TECTA: variants seen among roughly 807,000 people sequenced by gnomAD.
TECTA encodes the protein alpha-tectorin.
A neutral mutation model predicts 216.8 loss-of-function variants in TECTA; 128 were observed. The observed-to-expected ratio is 0.59, with a 90% confidence interval of 0.51 to 0.68. TECTA has a LOEUF of 0.68. TECTA is among the 30% of genes least tolerant of loss of function. The probability of loss-of-function intolerance (pLI) is 0.00; values close to 1 mark genes in which losing one functional copy is unlikely to be tolerated. For missense variants in TECTA, 2,551 were observed against 2,786.2 expected (o/e 0.92, Z 1.90); for synonymous variants, 1,089 against 1,117.1 (o/e 0.97, Z 0.50).
intron 20 of TECTA, among the ~76,000 whole-genome samples, chr11:121,185,272 G>A (rs1947271085): frequency 1.3e-5 from 2 of 152,192 alleles, no homozygotes. Flanking sequence ...AGGGAAACCA[G>A]ATGTTCAATG....
At chr11:121,147,988 G>A (rs950875411) in intron 12 of TECTA, among the ~76,000 whole-genome samples, 1 of 152,232 alleles carries the variant, frequency 6.6e-6, no homozygotes, top group African/African-American at 2.4e-5. Flanking sequence ...AAGGAATAAG[G>A]GCCCCCACTA....
At chr11:121,125,178 G>A in intron 7 of TECTA, 124 bp from the exon 8 acceptor site, 1 of 1,004,072 alleles carries the variant, frequency 1.0e-6, no homozygotes, top group Non-Finnish European at 1.5e-6. Flanking sequence ...ACTGGAGCCT[G>A]GACCGTTTAG....
rs145062494 is a variant in TECTA, at chr11:121,107,356, G to T, written c.198+1392G>T. ...AGGCAGATTTATTTGAGGGTAAATT[G>T]TTCCTTGCGTTTCCAACACTTTGAG... On this transcript the variant is annotated intron_variant, in intron 3 of 23. Coordinates refer to ENST00000392793, the MANE Select transcript of TECTA (RefSeq NM_005422.4). 4.4e-3 allele frequency among the ~76,000 whole-genome samples: 672 copies of T among 152,282 alleles called. 6 individuals are homozygous for T. Among genetic ancestry groups the T allele is most frequent in the African/African-American group, 0.015 (627 of 41,550 alleles).
chr11:121,142,136 C>T (rs1278459857), intron 11 of TECTA, among the ~76,000 whole-genome samples: 1 of 152,088 alleles, frequency 6.6e-6, no homozygotes, highest in Non-Finnish European at 1.5e-5. Flanking sequence ...CTGCAGAAGA[C>T]CTTGCTGGAG....
At position 121,163,617 on chromosome 11, in the gene TECTA, T is replaced by G. The variant is rs2004934; in HGVS notation, c.5272+1247T>G. On this transcript the variant is annotated intron_variant, in intron 16 of 23. Coordinates refer to ENST00000392793, the MANE Select transcript of TECTA (RefSeq NM_005422.4). ...AGTATAATAATAATAAGAAGAAGAATAAGAATACTTTCAATGACTTTAAAA... is the reference window on the plus strand; with the variant it reads ...AGTATAATAATAATAAGAAGAAGAAGAAGAATACTTTCAATGACTTTAAAA... Among the ~76,000 whole-genome samples, 103 of 152,132 alleles carry G rather than the reference T, an allele frequency of 6.8e-4. 2 individuals carry two copies. The highest frequency in any genetic ancestry group is 5.8e-3 in the South Asian group (28 of 4,824).
At chr11:121,182,268 T>C (rs1947237702) in intron 20 of TECTA, among the ~76,000 whole-genome samples, 1 of 151,606 alleles carries the variant, frequency 6.6e-6, no homozygotes, top group African/African-American at 2.4e-5. Flanking sequence ...GTGGCATCAG[T>C]GATGGCAGTA....
At chr11:121,135,982 G>A (rs915752391) in intron 10 of TECTA, among the ~76,000 whole-genome samples, 3 of 150,508 alleles carry the variant, frequency 2.0e-5, no homozygotes, top group Admixed American at 6.6e-5. Context: ...TTCTCCAGAC[G>A]GAGTCTCGCT....
intron 20 of TECTA, among the ~76,000 whole-genome samples, chr11:121,176,239 G>A (rs1382199452): frequency 0.012 from 1,823 of 151,156 alleles, no homozygotes; most frequent in African/African-American, 0.042. Flanking sequence ...TATGATGTTA[G>A]CTGGTTATTT....
intron 8 of TECTA, among the ~76,000 whole-genome samples, chr11:121,126,707 G>A (rs1946615508): frequency 2.0e-5 from 3 of 152,182 alleles, no homozygotes; most frequent in Non-Finnish European, 1.5e-5. Flanking sequence ...CTTCCCATCA[G>A]TATAAGTTGG....
At chr11:121,101,621 G>A (rs1211452971) in intron 1 of TECTA, among the ~76,000 whole-genome samples, 179 bp downstream of exon 1, 1 of 152,160 alleles carries the variant, frequency 6.6e-6, no homozygotes, top group Non-Finnish European at 1.5e-5. Flanking sequence ...TTTAATATGT[G>A]CTTGAAATTA....
chr11:121,190,193 G>A (rs1321896175), intron 23 of TECTA: 2 of 390,820 alleles, frequency 5.1e-6, no homozygotes, highest in African/African-American at 4.1e-5. Flanking sequence ...TTGGGCTAAG[G>A]TTGGGATTGG....
In TECTA at chr11:121,165,304, G is replaced by A. The variant is rs373055342; in HGVS notation, c.5304G>A (p.Ala1768=). The change falls in exon 17 of 24, where the codon GCG becomes GCA. Residue 1768 remains alanine, a synonymous_variant. Coordinates refer to ENST00000392793, the MANE Select transcript of TECTA (RefSeq NM_005422.4). ...SGVVEDPCVG[A]DCPNRTCELG... Reference sequence around the variant, plus strand: ...TGGTTGAAGATCCCTGTGTGGGGGCGGACTGTCCCAACCGAACTTGCGAGC... The same window carrying A: ...TGGTTGAAGATCCCTGTGTGGGGGCAGACTGTCCCAACCGAACTTGCGAGC... 5.3e-5 allele frequency: 85 copies of A among 1,608,026 alleles called. No individual in the cohort carries two copies. The East Asian group carries it at 5.6e-4, about 11-fold the overall frequency.
At chr11:121,130,321 T>A in intron 10 of TECTA, 110 bp downstream of exon 10, 1 of 1,251,034 alleles carries the variant, frequency 8.0e-7, no homozygotes, top group Non-Finnish European at 1.1e-6. Context: ...AGGGTGATGT[T>A]AATTACTGTG....
intron 18 of TECTA, 72 bp downstream of exon 18, chr11:121,166,852 C>G: frequency 6.4e-7 from 1 of 1,567,764 alleles, no homozygotes; most frequent in Non-Finnish European, 8.7e-7. Context: ...ATTTATTGTC[C>G]TGAAAACCAA....
In TECTA at chr11:121,189,821, A is replaced by G. The variant is rs1281689118; in HGVS notation, c.6308A>G (p.Asp2103Gly). ...GAGCAGATTTGCACGAGCCGGGTGGATGGGCCTCTCTGCAGCTGTGTAACA... is the reference window on the plus strand; with the variant it reads ...GAGCAGATTTGCACGAGCCGGGTGGGTGGGCCTCTCTGCAGCTGTGTAACA... ...GCEQICTSRV[D>G]GPLCSCVTGT... is the part of the protein sequence containing the mutation. Residue 2103 changes from aspartate (D) to glycine (G), a missense_variant, in exon 23 of 24, where the codon GAT becomes GGT. Around this residue, in one of 3 missense-constraint regions of TECTA, gnomAD observed 118 missense variants for 116.4 expected, o/e 1.01. Transcript: ENST00000392793. The G allele has an allele frequency of 3.1e-6, 5 of 1,613,924 alleles. No individual in the cohort carries two copies. In the South Asian group the frequency reaches 5.5e-5, roughly 18 times the overall value.
rs952374312 is a variant in TECTA, at chr11:121,152,756, A to G, written c.4106-125A>G. On this transcript the variant is annotated intron_variant, in intron 12 of 23. Transcript: ENST00000392793. ...GAGGGCAGTAATGAAGAAAGGCGGCAGACCTCCTGGCTCCTGCCTCTCCCC... is the reference window on the plus strand; with the variant it reads ...GAGGGCAGTAATGAAGAAAGGCGGCGGACCTCCTGGCTCCTGCCTCTCCCC... 12 of 972,734 alleles carry G rather than the reference A, an allele frequency of 1.2e-5. No homozygotes were observed. The African/African-American group carries it at 1.6e-4, about 13-fold the overall frequency. The allele number at this position is 972,734 out of a possible 1,614,324, so 60.3% of individuals were successfully genotyped here.
At position 121,168,092 on chromosome 11, in the gene TECTA, G is replaced by A. The variant is rs368775844; in HGVS notation, c.5625G>A (p.Trp1875Ter). ...GTHIMYKNTLWIESANNTGNI... is the reference protein window; with the variant it reads ...GTHIMYKNTL ...ATATCATGTATAAAAACACACTCTG[G>A]ATCGAAAGCGCCAACAACACTGGCA... is the stretch of plus-strand genomic sequence containing the variant. The change falls in exon 19 of 24, where the codon TGG (tryptophan) becomes TGA (stop). Residue 1875 changes from tryptophan (W) to a stop codon, truncating the protein, a stop_gained. Transcript: ENST00000392793. LOFTEE classifies it high-confidence loss of function. 4 of 1,614,028 alleles carry A rather than the reference G, an allele frequency of 2.5e-6. No individual in the cohort carries two copies. In the African/African-American group the frequency reaches 5.3e-5, roughly 22 times the overall value.
Position 121,189,971 on chromosome 11 carries a change from G to C in TECTA, c.6367+91G>C, listed in dbSNP as rs1053083496. 4 of 1,031,120 alleles carry C rather than the reference G, an allele frequency of 3.9e-6. No homozygotes were observed. The African/African-American group carries it at 6.3e-5, about 16-fold the overall frequency. 63.9% of individuals were successfully genotyped at this position (1,031,120 alleles called of 1,614,324 possible). ...AGAAATTCAGATTTGAAGGCCACTC[G>C]GTCAGCAACTCTCCCTCGAAAACTC... is the stretch of plus-strand genomic sequence containing the variant. On this transcript the variant is annotated intron_variant, in intron 23 of 23. Coordinates refer to ENST00000392793, the MANE Select transcript of TECTA (RefSeq NM_005422.4).
chr11:121,113,680 G>C lies in TECTA; in HGVS notation c.752G>C (p.Gly251Ala). The change falls in exon 6 of 24, where the codon GGA becomes GCA. Residue 251 changes from glycine (G) to alanine (A), a missense_variant. Transcript: ENST00000392793. This position sits in a 1 kb window ranked among gnomAD's most constrained non-coding sequence, Gnocchi z 4.2. ...GGCCGCTGGGCATTTAAAGTTGATG[G>C]AAAGGAAATTGACCCAGCCAATGGC... ...VPGRWAFKVD[G>A]KEIDPANGCT... 1 of 1,613,864 alleles carries C rather than the reference G, an allele frequency of 6.2e-7. No individual in the cohort carries two copies. The highest frequency in any genetic ancestry group is 8.5e-7 in the Non-Finnish European group (1 of 1,180,006).
Sources: gnomAD v4.1 joint callset for allele counts (sites outside exome capture counted in the v4.1 genomes callset) on GRCh38, gnomAD v4.1.1 for gene constraint, gnomAD v4.1.1 regional missense constraint, Gnocchi (gnomAD v3.1) non-coding constraint, MANE v1.5 for transcripts, NCBI Gene and HGNC (gene_info 2026-07-23, HGNC 2026-07-21) for gene names.